HNRNPLL: variants seen among roughly 807,000 people sequenced by gnomAD.
The protein encoded by HNRNPLL is heterogeneous nuclear ribonucleoprotein L-like.
In HNRNPLL, 25 loss-of-function variants were observed where a neutral mutation model predicts 67.1. The observed-to-expected ratio is 0.37, with a 90% confidence interval of 0.27 to 0.52. The LOEUF is 0.52. Among genes scored for constraint, HNRNPLL ranks in the 20% least tolerant of loss-of-function variants. HNRNPLL has a pLI of 0.90. For missense variants in HNRNPLL, 542 were observed against 673.9 expected, an observed-to-expected ratio of 0.80 and a Z score of 2.17; for synonymous variants, 267 against 241.7, an observed-to-expected ratio of 1.10 and a Z score of -0.97.
At chr2:38,600,856 A>G (rs1450439076) in intron 1 of HNRNPLL, among the ~76,000 whole-genome samples, 2 of 152,140 alleles carry the variant, frequency 1.3e-5, no homozygotes, top group Non-Finnish European at 2.9e-5. Flanking sequence ...TACATTAATT[A>G]TATGTTATTT....
chr2:38,602,121 T>C (rs1053709767), intron 1 of HNRNPLL: 1 of 361,910 alleles, frequency 2.8e-6, no homozygotes, highest in East Asian at 6.4e-5. Context: ...AACAAAGAGC[T>C]CCCCGAGCCG....
rs1210095318 is a variant in HNRNPLL at position 38,569,750 on chromosome 2, G to A, written c.1214+54C>T. 1.8e-5 allele frequency: 18 copies of A among 988,554 alleles called. No individual in the cohort carries two copies. In the East Asian group the frequency reaches 5.0e-4, roughly 28 times the overall value. The allele number at this position is 988,554 out of a possible 1,614,324, so 61.2% of individuals were successfully genotyped here. A position where few individuals can be genotyped will look rare whatever the true frequency, so the allele number is the denominator to read the frequency against. ...TTGACATTAATGTCTCTAATAAAAA[G>A]GACAAAGATTTTTAAATATTTTTTA... On this transcript the variant is annotated intron_variant, in intron 9 of 12. Transcript: ENST00000449105.
At chr2:38,570,845 C>T (rs1666048740) in intron 8 of HNRNPLL, among the ~76,000 whole-genome samples, 1 of 151,546 alleles carries the variant, frequency 6.6e-6, no homozygotes, top group South Asian at 2.1e-4. Context: ...AGCTTGAGAC[C>T]AGGCTGGGCA....
chr2:38,600,712 C>A (rs1667398532), intron 1 of HNRNPLL, among the ~76,000 whole-genome samples: 1 of 151,162 alleles, frequency 6.6e-6, no homozygotes, highest in East Asian at 2.0e-4. Flanking sequence ...TCCAGAGCTG[C>A]TGCACTCCAG....
At position 38,588,876 on chromosome 2, in the gene HNRNPLL, C is replaced by G. The variant is rs75127170; in HGVS notation, c.308+2654G>C. ...AGAAAAAAGGTATTAATACGAGAAA[C>G]AGTGGGAGATCACAGAGAGAAAAGG... On this transcript the variant is annotated intron_variant, in intron 2 of 12. Coordinates refer to ENST00000449105, the MANE Select transcript of HNRNPLL (RefSeq NM_138394.4). Among the ~76,000 whole-genome samples, 79 of 152,052 alleles carry G rather than the reference C, an allele frequency of 5.2e-4. 4 individuals are homozygous for G. The East Asian group carries it at 0.014, about 26-fold the overall frequency.
intron 1 of HNRNPLL, among the ~76,000 whole-genome samples, chr2:38,593,632 G>A (rs1667055824): frequency 6.6e-6 from 1 of 152,188 alleles, no homozygotes; most frequent in Non-Finnish European, 1.5e-5. Flanking sequence ...GCTCATGCCT[G>A]TAATCCAGCA....
At chr2:38,595,562 G>C (rs1039887727) in intron 1 of HNRNPLL, among the ~76,000 whole-genome samples, 3 of 151,968 alleles carry the variant, frequency 2.0e-5, no homozygotes, top group Non-Finnish European at 4.4e-5. Context: ...TGGACAATGT[G>C]GGCCGGGCGC....
chr2:38,585,543 T>C (rs1666690618), intron 3 of HNRNPLL, 101 bp downstream of exon 3: 1 of 685,490 alleles, frequency 1.5e-6, no homozygotes, highest in South Asian at 1.8e-5. Context: ...AAAAAACTAT[T>C]TTCTAGTATC....
Position 38,568,428 on chromosome 2 carries a change from C to G in HNRNPLL, c.1432G>C (p.Glu478Gln). ...TTATATTTGATGAATGTAAGAACTT[C>G]ATGGTCATTACACAACTGTCAAAGA... ...ETFTKLCNDH[E>Q]VLTFIKYKVF... is the part of the protein sequence containing the mutation. The change falls in exon 11 of 13, where the codon GAA becomes CAA. Residue 478 changes from glutamate to glutamine, a missense_variant. This residue lies in a region of HNRNPLL where 415 missense variants were observed against 575.2 expected (regional missense o/e 0.72). Coordinates refer to ENST00000449105, the MANE Select transcript of HNRNPLL (RefSeq NM_138394.4). 6.2e-7 allele frequency: 1 copy of G among 1,603,078 alleles called. No individual in the cohort carries two copies. Among genetic ancestry groups the G allele is most frequent in the South Asian group, 1.1e-5 (1 of 90,122 alleles).
intron 7 of HNRNPLL, among the ~76,000 whole-genome samples, chr2:38,576,486 A>G (rs923324691): frequency 1.3e-5 from 2 of 151,882 alleles, no homozygotes; most frequent in Non-Finnish European, 2.9e-5. Flanking sequence ...CTGTTTTGAC[A>G]AAACAGAGAT....
chr2:38,602,685 T>C lies in HNRNPLL; in HGVS notation c.-59A>G, dbSNP rs999551234. 1.7e-5 allele frequency: 24 copies of C among 1,424,558 alleles called. No homozygotes were observed. Among genetic ancestry groups the C allele is most frequent in the Non-Finnish European group, 2.2e-5 (24 of 1,095,652 alleles). 88.2% of individuals were successfully genotyped at this position (1,424,558 alleles called of 1,614,324 possible). ...TGGGGGTGGCGGTGGGGCGCGCGCCTCGGATGCCGCCGGCCAGTCCTCGCC... is the reference window on the plus strand; with the variant it reads ...TGGGGGTGGCGGTGGGGCGCGCGCCCCGGATGCCGCCGGCCAGTCCTCGCC... On this transcript the variant is annotated 5_prime_UTR_variant, in exon 1 of 13. Transcript: ENST00000449105.
intron 3 of HNRNPLL, 102 bp from the exon 4 acceptor site, chr2:38,584,028 G>A (rs1180178468): frequency 2.0e-6 from 1 of 494,986 alleles, no homozygotes; most frequent in Non-Finnish European, 3.6e-6. Context: ...CTGTCAAGAT[G>A]TCATTTCTAT....
At chr2:38,594,991 T>G (rs971064384) in intron 1 of HNRNPLL, among the ~76,000 whole-genome samples, 1 of 146,822 alleles carries the variant, frequency 6.8e-6, no homozygotes, top group Non-Finnish European at 1.5e-5. Flanking sequence ...AATAAAACAT[T>G]ATTAGCCAGG....
intron 2 of HNRNPLL, among the ~76,000 whole-genome samples, chr2:38,590,886 T>A (rs1166120412): frequency 1.3e-5 from 2 of 152,154 alleles, no homozygotes; most frequent in East Asian, 1.9e-4. Context: ...GCGTCTATAG[T>A]CCCAGCTATT....
chr2:38,577,799 G>A (rs1666357053), intron 6 of HNRNPLL: 1 of 472,840 alleles, frequency 2.1e-6, no homozygotes, highest in African/African-American at 2.0e-5. Context: ...ATTTAAGGAA[G>A]AATGGATACT....
At chr2:38,581,299 C>G (rs1023807354) in intron 6 of HNRNPLL, 1 of 152,314 alleles carries the variant, frequency 6.6e-6, no homozygotes, top group African/African-American at 2.4e-5. Flanking sequence ...TAAGGGAAAT[C>G]AGACCAATAT....
chr2:38,597,332 C>T (rs1239345857), intron 1 of HNRNPLL, among the ~76,000 whole-genome samples: 1 of 152,186 alleles, frequency 6.6e-6, no homozygotes, highest in Non-Finnish European at 1.5e-5. Context: ...ATTTCTAGTG[C>T]CTTCTCCATT....
rs778921508 is a variant in HNRNPLL at position 38,591,629 on chromosome 2, T to C, written c.209A>G (p.His70Arg). ...GACGACGGGTGAAACAGAAACTTTA[T>C]GATGACTTCCACCTGCCTCCTAGCA... ...FSQPEAGGSH[H>R]KVSVSPVVHV... The change falls in exon 2 of 13, where the codon CAT becomes CGT. Residue 70 changes from histidine to arginine, a missense_variant. Physicochemically the swap from His to Arg is conservative, Grantham distance 29 (BLOSUM62 0). Transcript: ENST00000449105. 1 of 1,611,986 alleles carries C rather than the reference T, an allele frequency of 6.2e-7. No individual in the cohort carries two copies. Among genetic ancestry groups the C allele is most frequent in the Non-Finnish European group, 8.5e-7 (1 of 1,178,122 alleles).
At position 38,594,192 on chromosome 2, in the gene HNRNPLL, CA is replaced by C. The variant is rs376168379; in HGVS notation, c.190-2545del. Among the ~76,000 whole-genome samples, 69 of 151,958 alleles carry C rather than the reference CA, an allele frequency of 4.5e-4. 3 individuals are homozygous for C. The East Asian group carries it at 0.013, about 29-fold the overall frequency. ...TCCATCTCAAAAAAAAACCAAAAAC[CA>C]AAAAACAAACAAAAAAACCAAATGC... On this transcript the variant is annotated intron_variant, in intron 1 of 12. Coordinates refer to ENST00000449105, the MANE Select transcript of HNRNPLL (RefSeq NM_138394.4).
Sources: allele counts gnomAD v4.1 joint callset (sites outside exome capture counted in the v4.1 genomes callset), GRCh38; gene constraint gnomAD v4.1.1; regional missense constraint gnomAD v4.1.1; transcripts MANE v1.5; gene names NCBI Gene and HGNC (gene_info 2026-07-23, HGNC 2026-07-21).